FGFR2: variants seen among roughly 807,000 people sequenced by gnomAD.
FGFR2 encodes BEK fibroblast growth factor receptor.
FGFR2 carries 19 observed loss-of-function variants against 95.9 expected under a neutral mutation model. The ratio of observed to expected loss-of-function variants is 0.20; its 90% CI spans 0.14 to 0.29. The LOEUF is 0.29. FGFR2 is among the 10% of genes least tolerant of loss of function. FGFR2 has a pLI of 1.00. For synonymous variants in FGFR2, 392 were observed against 393.3 expected, an observed-to-expected ratio of 1.00 and a Z score of 0.04; for missense variants, 707 against 1,056.9, an observed-to-expected ratio of 0.67 and a Z score of 4.59.
intron 4 of FGFR2, among the ~76,000 whole-genome samples, chr10:121,557,344 C>T (rs1294692461): frequency 1.3e-5 from 2 of 152,152 alleles, no homozygotes; most frequent in South Asian, 2.1e-4. Context: ...GGTCTTGCTC[C>T]GTTGCCCAGG....
At chr10:121,484,042 C>A (rs1454978828) in intron 16 of FGFR2, among the ~76,000 whole-genome samples, 1 of 152,034 alleles carries the variant, frequency 6.6e-6, no homozygotes, top group Non-Finnish European at 1.5e-5. Flanking sequence ...AAGAAAGACA[C>A]AGCTATGTGT....
intron 6 of FGFR2, among the ~76,000 whole-genome samples, chr10:121,529,849 G>A (rs960275143): frequency 1.3e-5 from 2 of 152,158 alleles, no homozygotes; most frequent in East Asian, 1.9e-4. Flanking sequence ...TAAAGGCTGC[G>A]TGAGCGTGCC....
chr10:121,533,114 C>A (rs1179327939), intron 6 of FGFR2, among the ~76,000 whole-genome samples: 4 of 152,184 alleles, frequency 2.6e-5, no homozygotes. Flanking sequence ...AAAGACCGGG[C>A]ACGGTGGCTC....
At chr10:121,538,387 G>T in intron 6 of FGFR2, 1 of 831,576 alleles carries the variant, frequency 1.2e-6, no homozygotes, top group Non-Finnish European at 2.1e-6. Context: ...TGAGGATCAT[G>T]CAAAGCTCAT....
intron 2 of FGFR2, among the ~76,000 whole-genome samples, chr10:121,585,078 T>G (rs544692420): frequency 6.6e-6 from 1 of 152,340 alleles, no homozygotes; most frequent in East Asian, 1.9e-4. Context: ...AGAAAACTCT[T>G]TTGCCAAAAT....
chr10:121,536,309 T>C (rs1852808823), intron 6 of FGFR2, among the ~76,000 whole-genome samples: 1 of 152,228 alleles, frequency 6.6e-6, no homozygotes. Flanking sequence ...AAATGCCTTT[T>C]ACTCCACTGA....
intron 3 of FGFR2, among the ~76,000 whole-genome samples, chr10:121,564,821 T>C (rs752318411): frequency 2.6e-5 from 4 of 152,156 alleles, no homozygotes; most frequent in Non-Finnish European, 4.4e-5. Flanking sequence ...GGCTATAAAA[T>C]TGGATATATG....
rs772391649 is a variant in FGFR2 at position 121,520,060 on chromosome 10, G to T, written c.858C>A (p.Pro286=). Residue 286 remains proline, a synonymous_variant, in exon 7 of 18, where the codon CCC becomes CCA. Coordinates refer to ENST00000358487, the MANE Select transcript of FGFR2 (RefSeq NM_000141.5). ...FVCKVYSDAQ[P]HIQWIKHVEK... ...CCACGTGCTTGATCCACTGGATGTG[G>T]GGCTGGGCATCACTGTAAACCTTGC... 4.3e-6 allele frequency: 7 copies of T among 1,614,090 alleles called. No homozygotes were observed. The highest frequency in any genetic ancestry group is 4.2e-6 in the Non-Finnish European group (5 of 1,180,038).
intron 9 of FGFR2, among the ~76,000 whole-genome samples, chr10:121,514,438 A>C (rs544929518): frequency 6.6e-6 from 1 of 152,298 alleles, no homozygotes; most frequent in East Asian, 1.9e-4. Flanking sequence ...AGCAACCACC[A>C]AAGACCAAGT....
rs550382505 is a variant in FGFR2 at position 121,564,375 on chromosome 10, C to A, written c.454+127G>T. The stretch of plus-strand genomic sequence containing the variant: ...GGTTTGAAAGTCAGGAAAGTAGACA[C>A]AGCGGGGAAAGGCAAGGGCCGCGGG... On this transcript the variant is annotated intron_variant, in intron 4 of 17. Transcript: ENST00000358487. The A allele has an allele frequency of 3.6e-6, 3 of 834,066 alleles. No homozygotes were observed. In the African/African-American group the frequency reaches 5.0e-5, roughly 14 times the overall value. 51.7% of individuals were successfully genotyped at this position (834,066 alleles called of 1,614,324 possible). A position where few individuals can be genotyped will look rare whatever the true frequency, so the allele number is the denominator to read the frequency against.
intron 6 of FGFR2, among the ~76,000 whole-genome samples, chr10:121,534,421 G>GT (rs1455966483): frequency 6.9e-6 from 1 of 144,056 alleles, no homozygotes; most frequent in African/African-American, 2.6e-5. Context: ...TTGAGATGGA[G>GT]TTTCACTCTT....
At chr10:121,538,553 G>A (rs1486546669) in intron 6 of FGFR2, 39 bp downstream of exon 6, 1 of 1,614,082 alleles carries the variant, frequency 6.2e-7, no homozygotes, top group Admixed American at 1.7e-5. Flanking sequence ...GCAAGAATGG[G>A]CTGGTATGCA....
chr10:121,561,878 A>C (rs900989345), intron 4 of FGFR2, among the ~76,000 whole-genome samples: 2 of 152,238 alleles, frequency 1.3e-5, no homozygotes, highest in Non-Finnish European at 2.9e-5. Context: ...AAAATGGGCC[A>C]ACGGCCTTAA....
In FGFR2 at chr10:121,485,399, C is replaced by T. The variant is rs1224606327; in HGVS notation, c.2191G>A (p.Glu731Lys). 1.9e-6 allele frequency: 3 copies of T among 1,614,086 alleles called. No individual in the cohort carries two copies. Among genetic ancestry groups the T allele is most frequent in the South Asian group, 1.1e-5 (1 of 91,066 alleles). The change falls in exon 16 of 18, where the codon GAA becomes AAA. Residue 731 changes from glutamate to lysine, a missense_variant. This residue lies in a region of FGFR2 where 104 missense variants were observed against 214.2 expected (regional missense o/e 0.49). Transcript: ENST00000358487. The surrounding 1 kb of genome is among the most constrained non-coding windows in gnomAD (Gnocchi z 4.2). ...RMDKPANCTN[E>K]LYMMMRDCWH... ...AGGAAAGACAACAGCCCTTACAGTT[C>T]GTTGGTGCAGTTGGCTGGCTTATCC...
intron 8 of FGFR2, 102 bp from the exon 9 acceptor site, chr10:121,515,421 A>T (rs1032834931): frequency 8.2e-7 from 1 of 1,212,144 alleles, no homozygotes; most frequent in Non-Finnish European, 1.2e-6. Flanking sequence ...AAAGGCGACG[A>T]CCATTCTCAA....
intron 6 of FGFR2, among the ~76,000 whole-genome samples, chr10:121,527,306 GTGT>G (rs1851510598): frequency 6.6e-6 from 1 of 152,184 alleles, no homozygotes; most frequent in African/African-American, 2.4e-5. Context: ...GAGTAGGGCT[GTGT>G]GTTATTTACA....
intron 5 of FGFR2, among the ~76,000 whole-genome samples, chr10:121,546,397 A>G (rs775250676): frequency 3.9e-5 from 6 of 152,188 alleles, no homozygotes; most frequent in Non-Finnish European, 8.8e-5. Context: ...AGGAATAAGT[A>G]TGATTAGGGA....
At chr10:121,523,465 A>G (rs1850847935) in intron 6 of FGFR2, among the ~76,000 whole-genome samples, 1 of 152,138 alleles carries the variant, frequency 6.6e-6, no homozygotes, top group Non-Finnish European at 1.5e-5. Flanking sequence ...TCCATGTGGG[A>G]AGGGCAGAGT....
intron 2 of FGFR2, among the ~76,000 whole-genome samples, chr10:121,584,086 T>C (rs1391625129): frequency 6.6e-6 from 1 of 151,988 alleles, no homozygotes; most frequent in Non-Finnish European, 1.5e-5. Flanking sequence ...ACCTCATCCA[T>C]ACTGCCCCTA....
Sources: gnomAD v4.1 joint callset for allele counts (sites outside exome capture counted in the v4.1 genomes callset) on GRCh38, gnomAD v4.1.1 for gene constraint, gnomAD v4.1.1 regional missense constraint, Gnocchi (gnomAD v3.1) non-coding constraint, MANE v1.5 for transcripts, NCBI Gene and HGNC (gene_info 2026-07-23, HGNC 2026-07-21) for gene names.